NLRX1: variants seen among roughly 807,000 people sequenced by gnomAD.
The protein encoded by NLRX1 is NLR family member X1.
NLRX1 carries 67 observed loss-of-function variants against 74.2 expected under a neutral mutation model. The ratio of observed to expected loss-of-function variants is 0.90; its 90% CI spans 0.74 to 1.11. NLRX1 has a LOEUF of 1.11. NLRX1 is among the 50% of genes least tolerant of loss of function. The pLI is 0.00. For synonymous variants in NLRX1, 506 were observed against 559.1 expected (o/e 0.91, Z 1.34); for missense variants, 1,191 against 1,305.4 (o/e 0.91, Z 1.35).
Position 119,172,348 on chromosome 11 carries a change from C to G in NLRX1, c.71-8C>G, listed in dbSNP as rs555322970. 3.1e-6 allele frequency: 5 copies of G among 1,609,972 alleles called. No homozygotes were observed. In the South Asian group the frequency reaches 5.5e-5, roughly 18 times the overall value. On this transcript the variant is annotated splice_region_variant and splice_polypyrimidine_tract_variant and intron_variant, in intron 2 of 9. Transcript: ENST00000409109. Reference sequence around the variant, plus strand: ...TCTGCAGATGCTATTTCTTCCTTCTCTCTGTAGATGATCGTATCCCCTTCC... The same window carrying G: ...TCTGCAGATGCTATTTCTTCCTTCTGTCTGTAGATGATCGTATCCCCTTCC...
chr11:119,182,374 C>G, intron 9 of NLRX1, 29 bp downstream of exon 9: 3 of 1,598,282 alleles, frequency 1.9e-6, no homozygotes, highest in Non-Finnish European at 2.6e-6. Context: ...CCCATTGCCC[C>G]CAGCCCTTCA....
At position 119,183,374 on chromosome 11, in the gene NLRX1, CA is replaced by C. The variant is rs1317262383; in HGVS notation, c.2864del (p.Gln955ArgfsTer29). On this transcript the variant is annotated frameshift_variant, in exon 10 of 10. Transcript: ENST00000409109. LOFTEE classifies it high-confidence loss of function. The surrounding 1 kb of genome is among the most constrained non-coding windows in gnomAD (Gnocchi z 5.7). ...GATLNPWRKA[Q>X]LLRVEGEVRA... ...CACCCTTAATCCTTGGCGCAAGGCC[CA>C]GCTGCTGCGAGTGGAGGGCGAGGTC... 6.2e-7 allele frequency: 1 copy of C among 1,614,074 alleles called. No homozygotes were observed. Among genetic ancestry groups the C allele is most frequent in the Admixed American group, 1.7e-5 (1 of 60,008 alleles).
chr11:119,183,003 C>G lies in NLRX1; in HGVS notation c.2607-115C>G, dbSNP rs374155048. 1 of 894,922 alleles carries G rather than the reference C, an allele frequency of 1.1e-6. No individual in the cohort carries two copies. Among genetic ancestry groups the G allele is most frequent in the African/African-American group, 1.7e-5 (1 of 59,880 alleles). The allele number at this position is 894,922 out of a possible 1,614,324, so 55.4% of individuals were successfully genotyped here. ...CTCTGGCTCATTGCAGTTACCTGATCGCACTCTGCAGCCAGGAGATGAGTT... is the reference window on the plus strand; with the variant it reads ...CTCTGGCTCATTGCAGTTACCTGATGGCACTCTGCAGCCAGGAGATGAGTT... On this transcript the variant is annotated intron_variant, in intron 9 of 9. Transcript: ENST00000409109. This position sits in a 1 kb window ranked among gnomAD's most constrained non-coding sequence, Gnocchi z 5.7.
At position 119,173,096 on chromosome 11, in the gene NLRX1, G is replaced by A. The variant is rs909596655; in HGVS notation, c.229+107G>A. ...AGAGGATCCACTGCCATCTTCCATC[G>A]GTGGTCCCTCCTCCTCTCTCTCTCT... On this transcript the variant is annotated intron_variant, in intron 4 of 9. Coordinates refer to ENST00000409109, the MANE Select transcript of NLRX1 (RefSeq NM_001282144.2). The surrounding 1 kb of genome is among the most constrained non-coding windows in gnomAD (Gnocchi z 4.0). 11 of 841,900 alleles carry A rather than the reference G, an allele frequency of 1.3e-5. No individual in the cohort carries two copies. Among genetic ancestry groups the A allele is most frequent in the African/African-American group, 5.0e-5 (3 of 59,916 alleles). 52.2% of individuals were successfully genotyped at this position (841,900 alleles called of 1,614,324 possible).
In NLRX1 at chr11:119,181,694, A is replaced by C. The variant is rs148371623; in HGVS notation, c.2355-400A>C. Among the ~76,000 whole-genome samples, 85 of 152,240 alleles carry C rather than the reference A, an allele frequency of 5.6e-4. 1 individual carries two copies. In the East Asian group the frequency reaches 0.012, roughly 22 times the overall value. Reference sequence around the variant, plus strand: ...GTTTCTGATTGGTGTAAGGGGAGGCAAATGAGGAGAGAAAAAGGAAGAGCA... The same window carrying C: ...GTTTCTGATTGGTGTAAGGGGAGGCCAATGAGGAGAGAAAAAGGAAGAGCA... On this transcript the variant is annotated intron_variant, in intron 8 of 9. Coordinates refer to ENST00000409109, the MANE Select transcript of NLRX1 (RefSeq NM_001282144.2).
At chr11:119,170,218 G>A (rs1046418928) in intron 1 of NLRX1, among the ~76,000 whole-genome samples, 35 of 152,084 alleles carry the variant, frequency 2.3e-4, no homozygotes, top group African/African-American at 7.5e-4. Flanking sequence ...TGGACTTTTC[G>A]GGAGGTGCTT....
At chr11:119,175,324 C>T (rs374379618) in intron 6 of NLRX1, 50 bp downstream of exon 6, 6 of 1,525,706 alleles carry the variant, frequency 3.9e-6, no homozygotes, top group Non-Finnish European at 4.5e-6. Flanking sequence ...CCCTCCCCAG[C>T]ACCCCAAGCC....
Position 119,180,155 on chromosome 11 carries a change from A to G in NLRX1, c.2134A>G (p.Lys712Glu), listed in dbSNP as rs145661190. 3 of 1,613,396 alleles carry G rather than the reference A, an allele frequency of 1.9e-6. No individual in the cohort carries two copies. Among genetic ancestry groups the G allele is most frequent in the Admixed American group, 1.7e-5 (1 of 60,002 alleles). The change falls in exon 7 of 10, where the codon AAG becomes GAG. Residue 712 changes from lysine (K) to glutamate (E), a missense_variant. Coordinates refer to ENST00000409109, the MANE Select transcript of NLRX1 (RefSeq NM_001282144.2). The part of the protein sequence containing the change: ...NLAGVRMTPV[K>E]CTVVAAVLGS... ...GGCAGGTGTGCGCATGACACCAGTC[A>G]AGTGCACAGTGGTGGCAGCTGTGCT... is the stretch of plus-strand genomic sequence containing the variant.
chr11:119,173,955 C>T lies in NLRX1; in HGVS notation c.706C>T (p.His236Tyr), dbSNP rs1948623058. Reference protein sequence around the residue: ...VLPLMAAAGSHLLFVLHGLEH... With the variant: ...VLPLMAAAGSYLLFVLHGLEH... ...GCCCCTGATGGCTGCTGCTGGGTCC[C>T]ACCTCCTCTTTGTGCTCCATGGCTT... Residue 236 changes from histidine to tyrosine, a missense_variant, in exon 5 of 10, where the codon CAC (histidine) becomes TAC (tyrosine). His to Tyr is a moderately conservative substitution (Grantham distance 83). Coordinates refer to ENST00000409109, the MANE Select transcript of NLRX1 (RefSeq NM_001282144.2). The surrounding 1 kb of genome is among the most constrained non-coding windows in gnomAD (Gnocchi z 4.0). 1 of 1,614,112 alleles carries T rather than the reference C, an allele frequency of 6.2e-7. No individual in the cohort carries two copies. The highest frequency in any genetic ancestry group is 8.5e-7 in the Non-Finnish European group (1 of 1,180,044).
chr11:119,171,569 C>A, intron 2 of NLRX1, 96 bp downstream of exon 2: 1 of 831,126 alleles, frequency 1.2e-6, no homozygotes, highest in Non-Finnish European at 2.0e-6. Context: ...ACACCAGGTG[C>A]ACTAGTCTCA....
rs189323754 is a variant in NLRX1 at position 119,181,460 on chromosome 11, A to G, written c.2354+203A>G. 9.4e-4 allele frequency: 532 copies of G among 564,426 alleles called. 3 individuals carry two copies. Among genetic ancestry groups the G allele is most frequent in the African/African-American group, 8.7e-3 (462 of 53,342 alleles). 35.0% of individuals were successfully genotyped at this position (564,426 alleles called of 1,614,324 possible). The stretch of plus-strand genomic sequence containing the variant: ...AACATGCCACCTGTAATGGGTGCTA[A>G]GAAACCTCTCACGTGGCTAAAATCA... On this transcript the variant is annotated intron_variant, in intron 8 of 9. Coordinates refer to ENST00000409109, the MANE Select transcript of NLRX1 (RefSeq NM_001282144.2).
Position 119,175,291 on chromosome 11 carries a change from G to A in NLRX1, c.1671+17G>A, listed in dbSNP as rs780031065. ...CTGATCAAGGTAACATCCCGATCAA[G>A]GTAACCCCCCAACCTGCTCCTTCCC... On this transcript the variant is annotated intron_variant, in intron 6 of 9. Coordinates refer to ENST00000409109, the MANE Select transcript of NLRX1 (RefSeq NM_001282144.2). The A allele has an allele frequency of 2.5e-6, 4 of 1,600,904 alleles. No individual in the cohort carries two copies. Among genetic ancestry groups the A allele is most frequent in the Admixed American group, 1.7e-5 (1 of 59,594 alleles).
In NLRX1 at chr11:119,172,318, T is replaced by C. The variant is rs752575821; in HGVS notation, c.71-38T>C. 3.3e-6 allele frequency: 5 copies of C among 1,505,264 alleles called. No individual in the cohort carries two copies. The African/African-American group carries it at 5.5e-5, about 17-fold the overall frequency. 93.2% of individuals were successfully genotyped at this position (1,505,264 alleles called of 1,614,324 possible). A position where few individuals can be genotyped will look rare whatever the true frequency, so the allele number is the denominator to read the frequency against. ...GTAGACATGGGTTCTGTGTATTGCA[T>C]GGGATCTGCAGATGCTATTTCTTCC... On this transcript the variant is annotated intron_variant, in intron 2 of 9. Coordinates refer to ENST00000409109, the MANE Select transcript of NLRX1 (RefSeq NM_001282144.2).
intron 6 of NLRX1, chr11:119,177,722 GC>G (rs975989101): frequency 1.3e-5 from 2 of 152,102 alleles, no homozygotes; most frequent in African/African-American, 4.8e-5. Context: ...GGTCACAGCT[GC>G]TGCTGAGGCC....
At position 119,174,904 on chromosome 11, in the gene NLRX1, A is replaced by T. The variant is rs144519440; in HGVS notation, c.1301A>T (p.Tyr434Phe). 3 of 1,614,034 alleles carry T rather than the reference A, an allele frequency of 1.9e-6. No homozygotes were observed. Among genetic ancestry groups the T allele is most frequent in the South Asian group, 2.2e-5 (2 of 91,092 alleles). Residue 434 changes from tyrosine to phenylalanine, a missense_variant, in exon 6 of 10, where the codon TAT becomes TTT. Tyr to Phe is a conservative substitution (Grantham distance 22). Transcript: ENST00000409109. Reference sequence around the variant, plus strand: ...GCCCGAACCATGGGCAAGTTGGCCTATGAGGGGGTGTCCTCCCGCAAGACC... The same window carrying T: ...GCCCGAACCATGGGCAAGTTGGCCTTTGAGGGGGTGTCCTCCCGCAAGACC... Reference protein sequence around the residue: ...YAARTMGKLAYEGVSSRKTYF... With the variant: ...YAARTMGKLAFEGVSSRKTYF...
In NLRX1 at chr11:119,179,836, G is replaced by C. The variant is rs761971901; in HGVS notation, c.1815G>C (p.Glu605Asp). 1 of 1,614,030 alleles carries C rather than the reference G, an allele frequency of 6.2e-7. No individual in the cohort carries two copies. Among genetic ancestry groups the C allele is most frequent in the South Asian group, 1.1e-5 (1 of 91,064 alleles). ...TGGGCGCCAGTATCCTGGGCGTGGA[G>C]GGCCCCCGGCGCCACCCAGATGAGC... ...DQMGASILGV[E>D]GPRRHPDEPP... The change falls in exon 7 of 10, where the codon GAG (glutamate) becomes GAC (aspartate). Residue 605 changes from glutamate to aspartate, a missense_variant. Coordinates refer to ENST00000409109, the MANE Select transcript of NLRX1 (RefSeq NM_001282144.2).
chr11:119,174,817 A>T lies in NLRX1; in HGVS notation c.1214A>T (p.Asn405Ile). Residue 405 changes from asparagine to isoleucine, a missense_variant, in exon 6 of 10, where the codon AAC becomes ATC. Asn to Ile is a moderately radical substitution (Grantham distance 149, BLOSUM62 -3). Transcript: ENST00000409109. ...TSIYTSFLRL[N>I]FSGETLDSTD... ...ATCTATACCAGCTTCCTGCGCCTCA[A>T]CTTCAGCGGGGAAACCCTGGACAGC... 2 of 1,613,806 alleles carry T rather than the reference A, an allele frequency of 1.2e-6. No homozygotes were observed. Among genetic ancestry groups the T allele is most frequent in the East Asian group, 2.2e-5 (1 of 44,870 alleles).
At position 119,183,493 on chromosome 11, in the gene NLRX1, T is replaced by C. The variant is rs1454496406; in HGVS notation, c.*54T>C. The stretch of plus-strand genomic sequence containing the variant: ...GACCACTGGCCCTAAACCTTTTCCC[T>C]CTGTGGCCTCCTGGCTTGCACTGCT... On this transcript the variant is annotated 3_prime_UTR_variant, in exon 10 of 10. Transcript: ENST00000409109. This position sits in a 1 kb window ranked among gnomAD's most constrained non-coding sequence, Gnocchi z 5.7. The C allele has an allele frequency of 1.3e-6, 2 of 1,507,734 alleles. No homozygotes were observed. The highest frequency in any genetic ancestry group is 2.8e-5 in the African/African-American group (2 of 72,586). 93.4% of individuals were successfully genotyped at this position (1,507,734 alleles called of 1,614,324 possible). A position where few individuals can be genotyped will look rare whatever the true frequency, so the allele number is the denominator to read the frequency against.
At position 119,173,299 on chromosome 11, in the gene NLRX1, T is replaced by C. The variant is rs1948600817; in HGVS notation, c.230-180T>C. The C allele has an allele frequency of 1.3e-6, 1 of 748,828 alleles. No homozygotes were observed. The highest frequency in any genetic ancestry group is 2.2e-6 in the Non-Finnish European group (1 of 455,968). The allele number at this position is 748,828 out of a possible 1,614,324, so 46.4% of individuals were successfully genotyped here. A position where few individuals can be genotyped will look rare whatever the true frequency, so the allele number is the denominator to read the frequency against. On this transcript the variant is annotated intron_variant, in intron 4 of 9. Transcript: ENST00000409109. This position sits in a 1 kb window ranked among gnomAD's most constrained non-coding sequence, Gnocchi z 4.0. ...TCCAGTGGCTTCCCACTTTCTGACA[T>C]AGGGGTTCCAGACTTTCTGGACAGT... is the stretch of plus-strand genomic sequence containing the variant.
Sources: allele counts gnomAD v4.1 joint callset (sites outside exome capture counted in the v4.1 genomes callset), GRCh38; gene constraint gnomAD v4.1.1; non-coding constraint Gnocchi (gnomAD v3.1); transcripts MANE v1.5; gene names NCBI Gene and HGNC (gene_info 2026-07-23, HGNC 2026-07-21).